Variants in SLC30A7 observed in about 807,000 individuals in gnomAD.
SLC30A7 encodes solute carrier family 30 member 7.
SLC30A7 carries 35 observed loss-of-function variants against 46.0 expected under a neutral mutation model. That is an observed-to-expected ratio of 0.76 (90% CI 0.58 to 1.01). The LOEUF is 1.01. Ranked by LOEUF, SLC30A7 falls within the 50% of genes least tolerant of loss-of-function variation. The probability of loss-of-function intolerance (pLI) is 0.00; values close to 1 mark genes in which losing one functional copy is unlikely to be tolerated. For synonymous variants in SLC30A7, 147 were observed against 157.8 expected (o/e 0.93, Z 0.51); for missense variants, 464 against 451.1 (o/e 1.03, Z -0.26).
chr1:100,901,537 C>T (rs151107418), intron 2 of SLC30A7, among the ~76,000 whole-genome samples: 2 of 152,164 alleles, frequency 1.3e-5, no homozygotes, highest in Non-Finnish European at 2.9e-5. Flanking sequence ...TTACTGCAAC[C>T]TCTGCCCCCT....
chr1:100,989,435 C>T, the SLC30A7 span, among the ~76,000 whole-genome samples: 2 of 152,112 alleles, frequency 1.3e-5, no homozygotes, highest in Non-Finnish European at 2.9e-5. Context: ...TGTCAGCTAA[C>T]CAAGACAGTG....
chr1:100,943,792 G>A (rs1350561400), intron 8 of SLC30A7, among the ~76,000 whole-genome samples: 2 of 151,480 alleles, frequency 1.3e-5, no homozygotes, highest in African/African-American at 4.9e-5. Flanking sequence ...TCTTTATGTG[G>A]TAATGTGGTA....
intron 7 of SLC30A7, among the ~76,000 whole-genome samples, chr1:100,919,914 G>C (rs1020593214): frequency 6.6e-6 from 1 of 151,976 alleles, no homozygotes; most frequent in Non-Finnish European, 1.5e-5. Flanking sequence ...GGCTTACTAA[G>C]GTTTTGGGGG....
chr1:100,906,286 C>T (rs570818054), intron 2 of SLC30A7, among the ~76,000 whole-genome samples: 3 of 152,092 alleles, frequency 2.0e-5, no homozygotes, highest in African/African-American at 7.2e-5. Context: ...ATACTTTATT[C>T]AAGACTTGGT....
chr1:100,937,599 T>C (rs538828555), intron 8 of SLC30A7, among the ~76,000 whole-genome samples: 26 of 152,348 alleles, frequency 1.7e-4, no homozygotes, highest in African/African-American at 6.3e-4. Context: ...CTTGTACTTA[T>C]TGGCCATTTT....
chr1:100,958,597 TCTTTA>T (rs781608861), intron 8 of SLC30A7, among the ~76,000 whole-genome samples: 1 of 152,230 alleles, frequency 6.6e-6, no homozygotes, highest in Non-Finnish European at 1.5e-5. Context: ...GACTTTACTT[TCTTTA>T]CTTTACTTTC....
chr1:100,899,388 G>C (rs1198963040), intron 2 of SLC30A7, among the ~76,000 whole-genome samples: 1 of 152,164 alleles, frequency 6.6e-6, no homozygotes, highest in Non-Finnish European at 1.5e-5. Context: ...AAATTGGGAG[G>C]AAAATGGTAG....
At chr1:100,915,191 T>TC (rs1557981061) in intron 6 of SLC30A7, among the ~76,000 whole-genome samples, 133 of 84,898 alleles carry the variant, frequency 1.6e-3, no homozygotes, top group African/African-American at 3.6e-3. Flanking sequence ...TTCTTTTCTT[T>TC]CTTTTCTTTC....
At chr1:100,995,013 T>C in the SLC30A7 span, 3 of 849,202 alleles carry the variant, frequency 3.5e-6, no homozygotes, top group South Asian at 3.0e-5. Flanking sequence ...GAGAGCTCAT[T>C]TTCAACCATC....
downstream of SLC30A7, among the ~76,000 whole-genome samples, chr1:100,983,375 C>CAAAAAAAAA (rs779529890): frequency 7.2e-4 from 55 of 76,414 alleles, no homozygotes; most frequent in African/African-American, 9.8e-4. Flanking sequence ...TACTTTGAGG[C>CAAAAAAAAA]AAAAAAAAAA....
chr1:100,973,058 G>GAA (rs111988102), intron 10 of SLC30A7, among the ~76,000 whole-genome samples: 32 of 133,874 alleles, frequency 2.4e-4, no homozygotes, highest in African/African-American at 6.8e-4. Flanking sequence ...CTTTCCACAG[G>GAA]AAAAAAAAAA....
chr1:100,932,313 G>T (rs570957144), intron 8 of SLC30A7, among the ~76,000 whole-genome samples: 53 of 152,230 alleles, frequency 3.5e-4, no homozygotes, highest in African/African-American at 1.3e-3. Context: ...TACTTGGGAG[G>T]CTGAGGCAGG....
rs1258989057 is a variant in SLC30A7 at position 100,978,591 on chromosome 1, T to A, written c.*3734T>A. On this transcript the variant is annotated 3_prime_UTR_variant, in exon 11 of 11. Coordinates refer to ENST00000357650, the MANE Select transcript of SLC30A7 (RefSeq NM_133496.5). Reference sequence around the variant, plus strand: ...AAAATTAGTGGCAAAGCCAAAAAGATTCAGATCTTCTGACTCGAAGTTGAG... The same window carrying A: ...AAAATTAGTGGCAAAGCCAAAAAGAATCAGATCTTCTGACTCGAAGTTGAG... 1 of 152,188 alleles carries A rather than the reference T, an allele frequency of 6.6e-6. No individual in the cohort carries two copies. Among genetic ancestry groups the A allele is most frequent in the Non-Finnish European group, 1.5e-5 (1 of 68,036 alleles). The allele number at this position is 152,188 out of a possible 1,614,324, so 9.4% of individuals were successfully genotyped here. A position where few individuals can be genotyped will look rare whatever the true frequency, so the allele number is the denominator to read the frequency against.
At chr1:100,974,513 C>T (rs1225329029) in intron 10 of SLC30A7, among the ~76,000 whole-genome samples, 3 of 152,098 alleles carry the variant, frequency 2.0e-5, no homozygotes, top group Non-Finnish European at 2.9e-5. Context: ...ACCAGTCAAG[C>T]ATCATGGTGT....
At chr1:100,992,676 C>T in the SLC30A7 span, 11 of 1,613,792 alleles carry the variant, frequency 6.8e-6, no homozygotes, top group African/African-American at 1.3e-5. Flanking sequence ...TGAACAATCT[C>T]CAGAAGCTGC....
intron 2 of SLC30A7, among the ~76,000 whole-genome samples, chr1:100,904,048 T>G (rs1651474795): frequency 6.6e-6 from 1 of 152,142 alleles, no homozygotes; most frequent in Non-Finnish European, 1.5e-5. Context: ...TCATATATAT[T>G]AACTCAATTA....
intron 9 of SLC30A7, 37 bp from the exon 10 acceptor site, chr1:100,965,732 T>C (rs2101091417): frequency 6.3e-7 from 1 of 1,584,126 alleles, no homozygotes; most frequent in East Asian, 2.2e-5. Flanking sequence ...AGTGCTTAAC[T>C]TGATTATGAT....
chr1:100,915,162 A>C (rs72734253), intron 6 of SLC30A7, among the ~76,000 whole-genome samples: 38,632 of 118,978 alleles, frequency 0.32, 5,997 homozygotes, highest in Middle Eastern at 0.41. Context: ...TCCCTTCCTC[A>C]CTTCTTTTCT....
chr1:100,950,084 G>A (rs1174204375), intron 8 of SLC30A7, among the ~76,000 whole-genome samples: 3 of 152,206 alleles, frequency 2.0e-5, no homozygotes, highest in Non-Finnish European at 2.9e-5. Flanking sequence ...GGAATCACCC[G>A]TCTTCTGCGT....
Sources: gnomAD v4.1 joint callset for allele counts (sites outside exome capture counted in the v4.1 genomes callset) on GRCh38, gnomAD v4.1.1 for gene constraint, MANE v1.5 for transcripts, NCBI Gene and HGNC (gene_info 2026-07-23, HGNC 2026-07-21) for gene names.